The following KLF12 variants were observed in gnomAD, a reference collection of about 807,000 sequenced individuals.
KLF12 encodes Krueppel-like factor 12.
In KLF12, 9 loss-of-function variants were observed where a neutral mutation model predicts 37.8. The observed-to-expected ratio is 0.24, with a 90% CI of 0.14 to 0.42. The LOEUF is 0.42. KLF12 is among the 10% of genes least tolerant of loss of function. The pLI, the probability that KLF12 is intolerant of heterozygous loss-of-function variation, is 1.00. For missense variants in KLF12, 411 were observed against 516.0 expected (o/e 0.80, Z 1.97); for synonymous variants, 208 against 202.1 (o/e 1.03, Z -0.25).
At chr13:74,211,926 TAA>T in the KLF12 span, among the ~76,000 whole-genome samples, 2 of 152,208 alleles carry the variant, frequency 1.3e-5, no homozygotes, top group African/African-American at 4.8e-5. Flanking sequence ...TCTTTTGATA[TAA>T]GTCAAGGCCT....
intron 5 of KLF12, among the ~76,000 whole-genome samples, chr13:73,767,407 C>T (rs1377895933): frequency 3.3e-5 from 5 of 152,154 alleles, no homozygotes; most frequent in African/African-American, 1.2e-4. Flanking sequence ...CACACAGGCT[C>T]GATTACTGCT....
At chr13:74,048,317 A>T (rs1168151952) in intron 1 of KLF12, among the ~76,000 whole-genome samples, 1 of 152,218 alleles carries the variant, frequency 6.6e-6, no homozygotes, top group Non-Finnish European at 1.5e-5. Context: ...GAAAGGAAGG[A>T]ATAGACTGGG....
intron 1 of KLF12, among the ~76,000 whole-genome samples, chr13:74,092,619 CAAAAAACA>C (rs1875741036): frequency 6.8e-6 from 1 of 146,262 alleles, no homozygotes; most frequent in Non-Finnish European, 1.5e-5. Context: ...GACTCCAACT[CAAAAAACA>C]AAAAAACAAA....
intron 2 of KLF12, among the ~76,000 whole-genome samples, chr13:73,949,960 T>A: frequency 1.4e-5 from 1 of 72,512 alleles, no homozygotes; most frequent in South Asian, 6.4e-4. Context: ...CCCCCATATG[T>A]TTCAATGATC....
intron 1 of KLF12, among the ~76,000 whole-genome samples, chr13:74,010,254 G>C (rs373647907): frequency 2.6e-5 from 4 of 152,038 alleles, no homozygotes; most frequent in African/African-American, 9.7e-5. Context: ...TTTTAATGTA[G>C]GTTTTCTCAA....
At chr13:73,920,748 ATCTC>A (rs372843330) in intron 3 of KLF12, among the ~76,000 whole-genome samples, 1 of 151,950 alleles carries the variant, frequency 6.6e-6, no homozygotes, top group African/African-American at 2.4e-5. Flanking sequence ...CTCAAGAGTC[ATCTC>A]TCTCTCTCCT....
intron 1 of KLF12, among the ~76,000 whole-genome samples, chr13:74,099,338 C>T (rs543193476): frequency 1.1e-4 from 17 of 152,116 alleles, no homozygotes; most frequent in African/African-American, 3.6e-4. Flanking sequence ...CAGAGTGAGA[C>T]CCTGTCTCTA....
chr13:74,281,415 G>A, the KLF12 span, among the ~76,000 whole-genome samples: 1 of 152,176 alleles, frequency 6.6e-6, no homozygotes, highest in Admixed American at 6.5e-5. Context: ...GGTGTGATAA[G>A]TGTGGATGCA....
At chr13:73,801,851 A>G (rs1407363586) in intron 5 of KLF12, 1 of 152,188 alleles carries the variant, frequency 6.6e-6, no homozygotes, top group East Asian at 1.9e-4. Flanking sequence ...CATCAGTTCT[A>G]TCCATGGTGT....
chr13:74,105,241 C>T (rs554411184), intron 1 of KLF12, among the ~76,000 whole-genome samples: 1 of 152,274 alleles, frequency 6.6e-6, no homozygotes, highest in East Asian at 1.9e-4. Flanking sequence ...ATTGACTTAG[C>T]AATTTCAGAA....
At chr13:73,783,559 G>A (rs973596329) in intron 5 of KLF12, among the ~76,000 whole-genome samples, 4 of 152,192 alleles carry the variant, frequency 2.6e-5, no homozygotes, top group East Asian at 3.9e-4. Context: ...ATTATGCCCT[G>A]TATGAATGTA....
At chr13:74,241,810 C>CGG in the KLF12 span, among the ~76,000 whole-genome samples, 13 of 152,202 alleles carry the variant, frequency 8.5e-5, no homozygotes, top group South Asian at 2.5e-3. Flanking sequence ...GGCTCGCGCA[C>CGG]GGTGCATGCA....
rs565492927 is a variant in KLF12, at chr13:73,691,264, A to T, written c.*4226T>A. The stretch of plus-strand genomic sequence containing the variant: ...GTGTGGGGATGAGTAGAAATGTCAT[A>T]TGGAAGACATGACTTACCAAACCCC... On this transcript the variant is annotated 3_prime_UTR_variant, in exon 8 of 8. Transcript: ENST00000377669. 4 of 152,788 alleles carry T rather than the reference A, an allele frequency of 2.6e-5. No homozygotes were observed. The highest frequency in any genetic ancestry group is 9.6e-5 in the African/African-American group (4 of 41,584). The allele number at this position is 152,788 out of a possible 1,614,324, so 9.5% of individuals were successfully genotyped here.
the KLF12 span, among the ~76,000 whole-genome samples, chr13:74,199,729 G>T: frequency 3.3e-5 from 5 of 152,298 alleles, no homozygotes; most frequent in Non-Finnish European, 5.9e-5. Flanking sequence ...TACATGATCA[G>T]ATAGAAAGTT....
At chr13:73,915,689 A>ATTTTTTTTTT (rs140697314) in intron 3 of KLF12, among the ~76,000 whole-genome samples, 169 of 98,656 alleles carry the variant, frequency 1.7e-3, no homozygotes, top group East Asian at 4.2e-3. Context: ...ATTTTTTTGT[A>ATTTTTTTTTT]TTTTTTTTTT....
intron 3 of KLF12, among the ~76,000 whole-genome samples, chr13:73,868,606 G>T (rs1027432226): frequency 6.6e-5 from 10 of 151,932 alleles, no homozygotes; most frequent in Non-Finnish European, 1.3e-4. Context: ...GGCCAGGCTG[G>T]TCTCTCGAAC....
the KLF12 span, among the ~76,000 whole-genome samples, chr13:74,246,628 G>A: frequency 3.3e-5 from 5 of 152,180 alleles, no homozygotes; most frequent in Non-Finnish European, 5.9e-5. Flanking sequence ...TCTCTCCTCC[G>A]ACATGAACCC....
At chr13:74,161,041 A>C in the KLF12 span, among the ~76,000 whole-genome samples, 1 of 150,120 alleles carries the variant, frequency 6.7e-6, no homozygotes, top group South Asian at 2.1e-4. Context: ...GAGAACACGG[A>C]GATTGGTTTT....
intron 3 of KLF12, among the ~76,000 whole-genome samples, chr13:73,889,728 T>C (rs1594215753): frequency 6.6e-6 from 1 of 152,014 alleles, no homozygotes; most frequent in South Asian, 2.1e-4. Context: ...TAATGCAAAA[T>C]AAAGGGCTAA....
Sources: allele counts gnomAD v4.1 joint callset (sites outside exome capture counted in the v4.1 genomes callset), GRCh38; gene constraint gnomAD v4.1.1; transcripts MANE v1.5; gene names NCBI Gene and HGNC (gene_info 2026-07-23, HGNC 2026-07-21).